Variants in RNF128 observed in about 807,000 individuals in gnomAD.
RNF128 encodes the protein E3 ubiquitin-protein ligase RNF128.
In RNF128, 13 loss-of-function variants were observed where a neutral mutation model predicts 26.2. The ratio of observed to expected loss-of-function variants is 0.50; its 90% CI spans 0.32 to 0.79. RNF128 has a LOEUF of 0.79. Ranked by LOEUF, RNF128 falls within the 30% of genes least tolerant of loss-of-function variation. The probability of loss-of-function intolerance (pLI) is 0.03; values close to 1 mark genes in which losing one functional copy is unlikely to be tolerated. For synonymous variants in RNF128, 149 were observed against 142.5 expected (o/e 1.05, Z -0.32); for missense variants, 315 against 349.7 (o/e 0.90, Z 0.79).
chrX:106,755,662 T>A (rs186448812), intron 1 of RNF128, among the ~76,000 whole-genome samples: 1 of 111,770 alleles, frequency 8.9e-6, no homozygotes, highest in East Asian at 2.8e-4. Flanking sequence ...ACAGAAAGCA[T>A]ATAATTCCAA....
chrX:106,788,620 A>G (rs1254461436), intron 4 of RNF128, among the ~76,000 whole-genome samples: 1 of 60,800 alleles, frequency 1.6e-5, no homozygotes, highest in Non-Finnish European at 2.6e-5. Flanking sequence ...ACTCTATATT[A>G]TATATACTAT....
rs1170532913 is a variant in RNF128, at chrX:106,727,305, A to AGATC, written c.393_396dup (p.His133AspfsTer6). On this transcript the variant is annotated frameshift_variant, in exon 1 of 7. Coordinates refer to ENST00000255499, the MANE Select transcript of RNF128 (RefSeq NM_194463.2). LOFTEE classifies it high-confidence loss of function. ...GGCGGGGGCTGCACCTTCGCAGACA[A>AGATC]GATCCATCTGGCTTATGAGAGAGGG... 19 of 1,209,933 alleles carry AGATC rather than the reference A, an allele frequency of 1.6e-5. No homozygotes were observed. Among genetic ancestry groups the AGATC allele is most frequent in the Non-Finnish European group, 2.1e-5 (19 of 895,132 alleles).
chrX:106,701,462 C>T (rs1928955118), intron 1 of RNF128, among the ~76,000 whole-genome samples: 1 of 111,134 alleles, frequency 9.0e-6, no homozygotes, highest in Non-Finnish European at 1.9e-5. Context: ...TCGATAGATA[C>T]AGATAGAGTC....
chrX:106,748,214 G>A (rs5962737), intron 1 of RNF128, among the ~76,000 whole-genome samples: 19,825 of 111,661 alleles, frequency 0.18, 4,324 homozygotes, highest in African/African-American at 0.62. Context: ...AGGAATCTAT[G>A]TATTAGCATA....
chrX:106,795,621 G>C lies in RNF128; in HGVS notation c.1195G>C (p.Ala399Pro). The C allele has an allele frequency of 8.3e-7, 1 of 1,198,565 alleles. No individual in the cohort carries two copies. Among genetic ancestry groups the C allele is most frequent in the Non-Finnish European group, 1.1e-6 (1 of 888,120 alleles). ...QLVNHEANSV[A>P]VDVIPHVDNP... is the part of the protein sequence containing the mutation. ...GGTAAACCATGAAGCAAATTCTGTGGCAGTGGATGTTATTCCTCATGTTGA... is the reference window on the plus strand; with the variant it reads ...GGTAAACCATGAAGCAAATTCTGTGCCAGTGGATGTTATTCCTCATGTTGA... Residue 399 changes from alanine (A) to proline (P), a missense_variant, in exon 7 of 7, where the codon GCA (alanine) becomes CCA (proline). Physicochemically the swap from Ala to Pro is conservative, Grantham distance 27. Transcript: ENST00000255499.
chrX:106,733,917 T>G (rs1448836410), intron 1 of RNF128, among the ~76,000 whole-genome samples: 1 of 111,456 alleles, frequency 9.0e-6, no homozygotes, highest in Admixed American at 9.6e-5. Context: ...GCCAGGCTGG[T>G]CTCTAACGCC....
chrX:106,794,244 C>T (rs750493151), intron 6 of RNF128, among the ~76,000 whole-genome samples: 69 of 110,606 alleles, frequency 6.2e-4, no homozygotes, highest in South Asian at 2.3e-3. Context: ...CTCATATCAT[C>T]CTAGATTTGG....
At chrX:106,771,474 C>T (rs1341458019) in intron 1 of RNF128, among the ~76,000 whole-genome samples, 1 of 112,795 alleles carries the variant, frequency 8.9e-6, no homozygotes, top group Non-Finnish European at 1.9e-5. Flanking sequence ...TCCCCCAGCC[C>T]CACTGCTGCC....
chrX:106,754,410 C>CTTTTTTTTTTTTTT (rs150895665), intron 1 of RNF128, among the ~76,000 whole-genome samples: 5 of 35,745 alleles, frequency 1.4e-4, no homozygotes, highest in African/African-American at 2.7e-4. Flanking sequence ...TTTTCTTTCT[C>CTTTTTTTTTTTTTT]TTTTTTTTTT....
chrX:106,784,642 T>C (rs1384397650), intron 2 of RNF128, among the ~76,000 whole-genome samples: 5 of 111,768 alleles, frequency 4.5e-5, no homozygotes, highest in Non-Finnish European at 9.4e-5. Context: ...AAGTCAGATT[T>C]TGAACCATTG....
In RNF128 at chrX:106,796,650, T is replaced by G; in HGVS notation, c.*937T>G. On this transcript the variant is annotated 3_prime_UTR_variant, in exon 7 of 7. Coordinates refer to ENST00000255499, the MANE Select transcript of RNF128 (RefSeq NM_194463.2). ...AAAATTACATTAGATAAACTAAAAT[T>G]CTGTCCGTGTAACTATAAATTTTGT... 8.9e-6 allele frequency: 1 copy of G among 112,006 alleles called. No individual in the cohort carries two copies. The highest frequency in any genetic ancestry group is 1.9e-5 in the Non-Finnish European group (1 of 53,062). 9.2% of individuals were successfully genotyped at this position (112,006 alleles called of 1,213,427 possible).
At chrX:106,725,633 GT>G (rs1369619961), upstream of RNF128, among the ~76,000 whole-genome samples, 2 of 112,207 alleles carry the variant, frequency 1.8e-5, no homozygotes, top group South Asian at 3.7e-4. Context: ...ATTTTAACAT[GT>G]TTTTTATATT....
Position 106,790,181 on chromosome X carries a change from A to G in RNF128, c.888-5A>G. The G allele has an allele frequency of 1.5e-5, 18 of 1,167,369 alleles. No individual in the cohort carries two copies. Among genetic ancestry groups the G allele is most frequent in the Non-Finnish European group, 2.0e-5 (17 of 859,348 alleles). ...ACTGATAATTATGTTTTTTTCCTGA[A>G]TTAGCCATATTTTCCATAAGACATG... On this transcript the variant is annotated splice_region_variant and splice_polypyrimidine_tract_variant and intron_variant, in intron 4 of 6. Transcript: ENST00000255499.
At chrX:106,737,446 A>G (rs893573879) in intron 1 of RNF128, among the ~76,000 whole-genome samples, 4 of 111,393 alleles carry the variant, frequency 3.6e-5, no homozygotes, top group African/African-American at 9.8e-5. Flanking sequence ...TATATAATAT[A>G]TGCATCTCCT....
intron 1 of RNF128, among the ~76,000 whole-genome samples, chrX:106,756,678 A>C (rs1314769810): frequency 2.8e-4 from 31 of 110,346 alleles, no homozygotes; most frequent in African/African-American, 9.3e-4. Context: ...TAGGCATGGG[A>C]AAGGACTTCA....
At chrX:106,771,296 T>C (rs1477035436) in intron 1 of RNF128, among the ~76,000 whole-genome samples, 2 of 112,787 alleles carry the variant, frequency 1.8e-5, no homozygotes, top group Non-Finnish European at 3.8e-5. Flanking sequence ...GACAGGGATG[T>C]TTAAGTCTGC....
At chrX:106,755,742 A>G (rs917177672) in intron 1 of RNF128, among the ~76,000 whole-genome samples, 2 of 111,593 alleles carry the variant, frequency 1.8e-5, no homozygotes, top group African/African-American at 6.5e-5. Context: ...AAGGGCAATT[A>G]GGCAGGAGAA....
At chrX:106,728,421 A>T (rs2147668805) in intron 1 of RNF128, among the ~76,000 whole-genome samples, 1 of 112,042 alleles carries the variant, frequency 8.9e-6, no homozygotes, top group East Asian at 2.8e-4. Context: ...ATGAGAATGA[A>T]TAATAAGAAA....
rs1437591292 is a variant in RNF128, at chrX:106,790,187, C to G, written c.889C>G (p.His297Asp). ...AATTATGTTTTTTTCCTGAATTAGC[C>G]ATATTTTCCATAAGACATGTGTTGA... The part of the protein sequence containing the change: ...NDLVRILTCN[H>D]IFHKTCVDPW... The change falls in exon 5 of 7, where the codon CAT becomes GAT. Residue 297 changes from histidine to aspartate, a missense_variant and splice_region_variant. Physicochemically the swap from His to Asp is moderately conservative, Grantham distance 81 (BLOSUM62 -1). Transcript: ENST00000255499. The G allele has an allele frequency of 8.5e-7, 1 of 1,178,072 alleles. No homozygotes were observed. The highest frequency in any genetic ancestry group is 1.1e-6 in the Non-Finnish European group (1 of 869,816).
Sources: allele counts gnomAD v4.1 joint callset (sites outside exome capture counted in the v4.1 genomes callset), GRCh38; gene constraint gnomAD v4.1.1; transcripts MANE v1.5; gene names NCBI Gene and HGNC (gene_info 2026-07-23, HGNC 2026-07-21).